The following CCDC112 variants were observed in gnomAD, a reference collection of about 807,000 sequenced individuals.
CCDC112 encodes the protein coiled-coil domain-containing protein 112.
CCDC112 carries 40 observed loss-of-function variants against 66.3 expected under a neutral mutation model. The ratio of observed to expected loss-of-function variants is 0.60; its 90% confidence interval spans 0.47 to 0.79. CCDC112 has a LOEUF of 0.79. Among genes scored for constraint, CCDC112 ranks in the 30% least tolerant of loss-of-function variants. The probability of loss-of-function intolerance (pLI) is 0.00; values close to 1 mark genes in which losing one functional copy is unlikely to be tolerated. For missense variants in CCDC112, 659 were observed against 603.8 expected (o/e 1.09, Z -0.96); for synonymous variants, 214 against 197.2 (o/e 1.09, Z -0.71).
At chr5:115,284,717 G>A (rs1313331810) in intron 2 of CCDC112, 70 bp downstream of exon 2, 1 of 1,264,472 alleles carries the variant, frequency 7.9e-7, no homozygotes, top group Admixed American at 1.8e-5. Flanking sequence ...GGGTAGAGTA[G>A]AATTAATTTT....
In CCDC112 at chr5:115,275,429, A is replaced by G. The variant is rs752374984; in HGVS notation, c.705T>C (p.Asp235=). The G allele has an allele frequency of 3.1e-6, 5 of 1,614,040 alleles. No individual in the cohort carries two copies. The highest frequency in any genetic ancestry group is 3.4e-6 in the Non-Finnish European group (4 of 1,179,972). The change falls in exon 6 of 10, where the codon GAT becomes GAC. Residue 235 remains aspartate (D), a synonymous_variant. Coordinates refer to ENST00000379611, the MANE Select transcript of CCDC112 (RefSeq NM_001040440.3). ...TPSTLPEEVL[D]FEKFLQQTGG... is the part of the protein sequence containing the mutation. Reference sequence around the variant, plus strand: ...CTGTTTGCTGAAGGAATTTTTCAAAATCTAGTACCTCTTCTGGAAGAGTAC... The same window carrying G: ...CTGTTTGCTGAAGGAATTTTTCAAAGTCTAGTACCTCTTCTGGAAGAGTAC...
At chr5:115,278,369 A>C (rs543909251) in intron 3 of CCDC112, among the ~76,000 whole-genome samples, 1 of 152,090 alleles carries the variant, frequency 6.6e-6, no homozygotes, top group Non-Finnish European at 1.5e-5. Context: ...GCTCAGCTGT[A>C]ATATATGAAG....
At chr5:115,288,125 C>A (rs1749761288) in intron 1 of CCDC112, among the ~76,000 whole-genome samples, 1 of 152,036 alleles carries the variant, frequency 6.6e-6, no homozygotes, top group African/African-American at 2.4e-5. Context: ...GGATTACAGG[C>A]ACCCACCACC....
intron 1 of CCDC112, among the ~76,000 whole-genome samples, chr5:115,290,338 G>T (rs937457863): frequency 1.3e-5 from 2 of 152,106 alleles, no homozygotes; most frequent in Non-Finnish European, 2.9e-5. Flanking sequence ...TATGTCTATT[G>T]TCTATCCCTA....
intron 1 of CCDC112, among the ~76,000 whole-genome samples, chr5:115,295,713 TG>T (rs1334235082): frequency 3.3e-5 from 5 of 152,050 alleles, no homozygotes; most frequent in Non-Finnish European, 7.4e-5. Context: ...TACATTCTCA[TG>T]GGGGTGCGAG....
At chr5:115,288,485 A>T (rs1749781795) in intron 1 of CCDC112, among the ~76,000 whole-genome samples, 1 of 152,232 alleles carries the variant, frequency 6.6e-6, no homozygotes, top group African/African-American at 2.4e-5. Context: ...TTAGGAAAAT[A>T]TAGGACTACC....
intron 1 of CCDC112, among the ~76,000 whole-genome samples, chr5:115,288,460 ACACT>A (rs955139065): frequency 7.2e-5 from 11 of 152,226 alleles, no homozygotes; most frequent in African/African-American, 2.4e-4. Flanking sequence ...CTTTCACAAC[ACACT>A]AACAATGTTA....
rs551952647 is a variant in CCDC112 at position 115,267,356 on chromosome 5, TCAAA to T, written c.*516_*519del. ...TTCTCTATATAAAACAAAGCATGCT[TCAAA>T]CAAATACAAAATATTTATTACACAA... On this transcript the variant is annotated 3_prime_UTR_variant, in exon 10 of 10. Transcript: ENST00000379611. 2.8e-3 allele frequency: 440 copies of T among 154,684 alleles called. 2 individuals are homozygous for T. The highest frequency in any genetic ancestry group is 4.4e-3 in the Non-Finnish European group (307 of 69,924). The allele number at this position is 154,684 out of a possible 1,614,324, so 9.6% of individuals were successfully genotyped here. A position where few individuals can be genotyped will look rare whatever the true frequency, so the allele number is the denominator to read the frequency against.
chr5:115,277,866 T>C (rs1340891743), intron 3 of CCDC112, among the ~76,000 whole-genome samples: 1 of 152,130 alleles, frequency 6.6e-6, no homozygotes, highest in Non-Finnish European at 1.5e-5. Flanking sequence ...CATCTTGGGG[T>C]ATTTTATGCA....
intron 1 of CCDC112, among the ~76,000 whole-genome samples, chr5:115,294,790 TG>T (rs1445533313): frequency 6.6e-6 from 1 of 152,206 alleles, no homozygotes; most frequent in African/African-American, 2.4e-5. Context: ...TGTGGTATGC[TG>T]GGGGAAGTAC....
At chr5:115,286,744 T>C (rs1486768596) in intron 1 of CCDC112, among the ~76,000 whole-genome samples, 6 of 151,920 alleles carry the variant, frequency 3.9e-5, no homozygotes, top group Non-Finnish European at 8.8e-5. Context: ...AGATCCTGTC[T>C]GTATAAAAAC....
intron 1 of CCDC112, among the ~76,000 whole-genome samples, chr5:115,295,398 A>G (rs978570094): frequency 6.6e-6 from 1 of 152,164 alleles, no homozygotes; most frequent in African/African-American, 2.4e-5. Flanking sequence ...TATATTTTAC[A>G]TTTTTTCCTG....
chr5:115,295,204 G>GATC (rs533139687), intron 1 of CCDC112, among the ~76,000 whole-genome samples: 15 of 152,228 alleles, frequency 9.9e-5, no homozygotes, highest in African/African-American at 3.6e-4. Flanking sequence ...TCCAACCCCT[G>GATC]AGAAGGCAAA....
intron 1 of CCDC112, among the ~76,000 whole-genome samples, chr5:115,288,698 A>T (rs190538613): frequency 6.6e-6 from 1 of 152,320 alleles, no homozygotes; most frequent in African/African-American, 2.4e-5. Context: ...ACTAACCCCC[A>T]TCTATGGAAT....
intron 9 of CCDC112, 121 bp from the exon 10 acceptor site, chr5:115,268,039 G>T: frequency 1.4e-6 from 1 of 716,572 alleles, no homozygotes; most frequent in Non-Finnish European, 2.4e-6. Context: ...TTGTTTGGCT[G>T]GTTCATATGG....
At chr5:115,279,504 T>C (rs1036520691) in intron 3 of CCDC112, 143 bp downstream of exon 3, 13 of 808,066 alleles carry the variant, frequency 1.6e-5, no homozygotes, top group Non-Finnish European at 2.3e-5. Context: ...CCAACTAAAA[T>C]ACAGAGAATA....
intron 3 of CCDC112, among the ~76,000 whole-genome samples, chr5:115,277,455 G>A (rs969185924): frequency 6.6e-6 from 1 of 152,068 alleles, no homozygotes; most frequent in East Asian, 1.9e-4. Flanking sequence ...ACTCTATTGT[G>A]GGAATATTAA....
chr5:115,277,132 G>T, intron 3 of CCDC112, 78 bp from the exon 4 acceptor site: 2 of 786,190 alleles, frequency 2.5e-6, no homozygotes, highest in South Asian at 1.5e-5. Flanking sequence ...ATGTAAGACT[G>T]ATCACTGTTA....
chr5:115,281,378 C>G (rs769584135), intron 2 of CCDC112, among the ~76,000 whole-genome samples: 4 of 152,260 alleles, frequency 2.6e-5, no homozygotes, highest in South Asian at 4.1e-4. Flanking sequence ...ACAGATGAGA[C>G]TGCCCCAGAG....
Sources: gnomAD v4.1 joint callset for allele counts (sites outside exome capture counted in the v4.1 genomes callset) on GRCh38, gnomAD v4.1.1 for gene constraint, MANE v1.5 for transcripts, NCBI Gene and HGNC (gene_info 2026-07-23, HGNC 2026-07-21) for gene names.